The following DRC5 variants were observed in gnomAD, a reference collection of about 807,000 sequenced individuals.
The protein encoded by DRC5 is T-complex-associated testis-expressed protein 1.
At chr6:44,282,631 A>G in the DRC5 span, 1 of 1,431,268 alleles carries the variant, frequency 7.0e-7, no homozygotes, top group Non-Finnish European at 9.4e-7. Context: ...GATCTTTGGC[A>G]AACTTGGCTC....
At chr6:44,294,573 C>T in the DRC5 span, among the ~76,000 whole-genome samples, 9 of 151,094 alleles carry the variant, frequency 6.0e-5, no homozygotes, top group East Asian at 4.0e-4. Flanking sequence ...GGTGAAACCC[C>T]GTCTCTACTA....
At chr6:44,291,553 C>G in the DRC5 span, among the ~76,000 whole-genome samples, 1 of 152,198 alleles carries the variant, frequency 6.6e-6, no homozygotes, top group African/African-American at 2.4e-5. Context: ...GGCTCTCCTC[C>G]TACTTTCCGA....
chr6:44,281,741 A>G, the DRC5 span, among the ~76,000 whole-genome samples: 1 of 152,242 alleles, frequency 6.6e-6, no homozygotes, highest in South Asian at 2.1e-4. Flanking sequence ...GACACAGTCT[A>G]TTAGAAAGGA....
chr6:44,294,772 CAAAAAAAAA>C, the DRC5 span, among the ~76,000 whole-genome samples: 2 of 88,784 alleles, frequency 2.3e-5, no homozygotes, highest in African/African-American at 4.6e-5. Context: ...AACTCTGTCT[CAAAAAAAAA>C]AAAAAAAAAA....
chr6:44,287,173 A>G, the DRC5 span: 29 of 984,982 alleles, frequency 2.9e-5, no homozygotes, highest in African/African-American at 4.7e-4. Context: ...AATATGGAAC[A>G]AACCAAGAGC....
At chr6:44,291,329 T>A in the DRC5 span, among the ~76,000 whole-genome samples, 12 of 152,254 alleles carry the variant, frequency 7.9e-5, no homozygotes, top group Non-Finnish European at 1.3e-4. Flanking sequence ...CACAAGATTC[T>A]TCTAAGGAGG....
the DRC5 span, among the ~76,000 whole-genome samples, chr6:44,285,471 G>A: frequency 6.6e-6 from 1 of 152,276 alleles, no homozygotes; most frequent in South Asian, 2.1e-4. Flanking sequence ...CTCACTGCAG[G>A]CTTGAACTCC....
chr6:44,282,741 A>C, the DRC5 span, among the ~76,000 whole-genome samples: 1 of 150,570 alleles, frequency 6.6e-6, no homozygotes, highest in Admixed American at 6.6e-5. Flanking sequence ...AGGAAAGATC[A>C]CTGTTTATTG....
the DRC5 span, chr6:44,280,316 A>G: frequency 6.2e-7 from 1 of 1,614,078 alleles, no homozygotes; most frequent in Non-Finnish European, 8.5e-7. Context: ...CCTGGGCCAC[A>G]TCTGACAGGC....
the DRC5 span, chr6:44,286,374 G>A: frequency 6.2e-7 from 1 of 1,614,106 alleles, no homozygotes; most frequent in East Asian, 2.2e-5. Flanking sequence ...CCGCCATGGT[G>A]GGCCACGTGG....
chr6:44,289,426 A>G, the DRC5 span, among the ~76,000 whole-genome samples: 2 of 152,182 alleles, frequency 1.3e-5, no homozygotes, highest in African/African-American at 2.4e-5. Context: ...CATTTTATAT[A>G]CTATGTTTTC....
the DRC5 span, chr6:44,282,472 G>C: frequency 6.2e-7 from 1 of 1,612,004 alleles, no homozygotes; most frequent in South Asian, 1.1e-5. Context: ...GACAAGTCCA[G>C]CTCCTCGAGG....
chr6:44,285,355 C>T, the DRC5 span, among the ~76,000 whole-genome samples: 2 of 152,168 alleles, frequency 1.3e-5, no homozygotes, highest in Non-Finnish European at 2.9e-5. Flanking sequence ...ATGGAATATT[C>T]GGGACATACT....
the DRC5 span, chr6:44,282,331 C>T: frequency 1.4e-5 from 22 of 1,614,086 alleles, no homozygotes; most frequent in Non-Finnish European, 1.6e-5. Flanking sequence ...GTGTTGTGTG[C>T]CAGAGCGTGA....
At chr6:44,287,557 T>C in the DRC5 span, 1 of 1,607,380 alleles carries the variant, frequency 6.2e-7, no homozygotes, top group Non-Finnish European at 8.5e-7. Context: ...ACTCTGGAAG[T>C]TCCTGATAAT....
At chr6:44,287,422 G>A in the DRC5 span, 1 of 1,048,208 alleles carries the variant, frequency 9.5e-7, no homozygotes, top group Non-Finnish European at 1.4e-6. Context: ...TGGGTATGAG[G>A]ATGCCATACG....
chr6:44,282,609 C>T, the DRC5 span: 1 of 1,505,830 alleles, frequency 6.6e-7, no homozygotes, highest in Non-Finnish European at 8.9e-7. Context: ...GGATAATCAG[C>T]CTGCCCACCT....
chr6:44,286,353 G>A, the DRC5 span: 10 of 1,613,894 alleles, frequency 6.2e-6, no homozygotes, highest in African/African-American at 1.3e-5. Context: ...AAGAACATGC[G>A]TTTCCAGCTG....
chr6:44,287,505 C>A, the DRC5 span: 823 of 1,562,478 alleles, frequency 5.3e-4, 2 homozygotes, highest in Middle Eastern at 1.2e-3. Flanking sequence ...ACCTAGCCCC[C>A]CTCTTGGCCT....
Sources: allele counts gnomAD v4.1 joint callset (sites outside exome capture counted in the v4.1 genomes callset), GRCh38; gene constraint gnomAD v4.1.1; transcripts MANE v1.5; gene names NCBI Gene and HGNC (gene_info 2026-07-23, HGNC 2026-07-21).